LRRC7: variants seen among roughly 807,000 people sequenced by gnomAD.
LRRC7 encodes the protein leucine rich repeat containing 7.
A neutral mutation model predicts 175.7 loss-of-function variants in LRRC7; 23 were observed. The ratio of observed to expected loss-of-function variants is 0.13; its 90% CI spans 0.09 to 0.19. The LOEUF (loss-of-function observed/expected upper bound fraction) is 0.19, where lower values mean the gene tolerates loss of function less well. Ranked by LOEUF, LRRC7 falls within the 10% of genes least tolerant of loss-of-function variation. The pLI, the probability that LRRC7 is intolerant of heterozygous loss-of-function variation, is 1.00. For missense variants in LRRC7, 1,354 were observed against 1,904.7 expected (o/e 0.71, Z 5.38); for synonymous variants, 685 against 680.9 (o/e 1.01, Z -0.09).
intron 23 of LRRC7, among the ~76,000 whole-genome samples, chr1:70,073,339 A>G (rs1571242953): frequency 6.6e-6 from 1 of 152,216 alleles, no homozygotes; most frequent in Middle Eastern, 3.4e-3. Flanking sequence ...CAGAAGAAAA[A>G]ATATACCTGA....
At chr1:69,629,141 C>T (rs1173510649) in intron 1 of LRRC7, among the ~76,000 whole-genome samples, 1 of 152,078 alleles carries the variant, frequency 6.6e-6, no homozygotes, top group Non-Finnish European at 1.5e-5. Context: ...TTTGAAATTT[C>T]TGTTCTCTGA....
intron 5 of LRRC7, 63 bp downstream of exon 5, chr1:69,825,889 A>C: frequency 2.0e-6 from 2 of 987,752 alleles, no homozygotes; most frequent in East Asian, 2.8e-5. Flanking sequence ...ATGTACCTAA[A>C]TAGAGGAAAT....
chr1:69,834,499 G>A (rs756392642), intron 5 of LRRC7, among the ~76,000 whole-genome samples: 1 of 152,088 alleles, frequency 6.6e-6, no homozygotes, highest in Non-Finnish European at 1.5e-5. Context: ...CGTGCATAAG[G>A]TTAGGCCAGC....
At chr1:69,918,958 A>T (rs1345932753) in intron 7 of LRRC7, among the ~76,000 whole-genome samples, 1 of 152,178 alleles carries the variant, frequency 6.6e-6, no homozygotes, top group Non-Finnish European at 1.5e-5. Flanking sequence ...CTATATTATA[A>T]ATTTTAAAAT....
intron 7 of LRRC7, among the ~76,000 whole-genome samples, chr1:69,887,900 G>A (rs1314400344): frequency 1.4e-5 from 2 of 146,618 alleles, no homozygotes; most frequent in East Asian, 3.9e-4. Context: ...GTGTGCCCCT[G>A]CTGGGGGGTG....
At chr1:70,000,413 G>A (rs149115622) in intron 11 of LRRC7, among the ~76,000 whole-genome samples, 34 of 152,292 alleles carry the variant, frequency 2.2e-4, no homozygotes, top group Admixed American at 2.2e-3. Flanking sequence ...ACGTAGGTGT[G>A]TAATAGATTA....
chr1:70,011,979 A>G, intron 12 of LRRC7, 53 bp downstream of exon 12: 1 of 1,382,392 alleles, frequency 7.2e-7, no homozygotes, highest in Non-Finnish European at 1.0e-6. Flanking sequence ...TCTGTTTTGG[A>G]GTAAAATCTT....
intron 2 of LRRC7, among the ~76,000 whole-genome samples, chr1:69,755,601 A>G (rs954336274): frequency 6.6e-6 from 1 of 151,706 alleles, no homozygotes; most frequent in African/African-American, 2.4e-5. Flanking sequence ...GCACATTATT[A>G]GCAACATTAT....
intron 7 of LRRC7, among the ~76,000 whole-genome samples, chr1:69,922,804 A>T: frequency 6.6e-6 from 1 of 151,652 alleles, no homozygotes; most frequent in East Asian, 1.9e-4. Context: ...TAATTTTTTT[A>T]ATTTTTTTAT....
chr1:69,791,944 C>A (rs1675171459), intron 3 of LRRC7, 99 bp from the exon 4 acceptor site: 3 of 731,002 alleles, frequency 4.1e-6, no homozygotes, highest in Non-Finnish European at 7.0e-6. Context: ...GGCTCTTTTA[C>A]TACTACATAT....
chr1:69,609,740 CT>C (rs1479986391), intron 1 of LRRC7, among the ~76,000 whole-genome samples: 1 of 151,958 alleles, frequency 6.6e-6, no homozygotes, highest in Non-Finnish European at 1.5e-5. Flanking sequence ...TATATATCTA[CT>C]TTATCTGTAT....
rs1667201066 is a variant in LRRC7 at position 70,144,054 on chromosome 1, T to C, written c.*22167T>C. 6.6e-6 allele frequency: 1 copy of C among 152,202 alleles called. No homozygotes were observed. The highest frequency in any genetic ancestry group is 2.1e-4 in the South Asian group (1 of 4,838). 9.4% of individuals were successfully genotyped at this position (152,202 alleles called of 1,614,324 possible). On this transcript the variant is annotated 3_prime_UTR_variant, in exon 27 of 27. Transcript: ENST00000651989. ...TTTATGTGCAAAGAAGTCCTATGAA[T>C]CTATATTTTAAATTTACTGAACCAG...
chr1:69,664,433 C>G (rs779013995), intron 1 of LRRC7, among the ~76,000 whole-genome samples: 4 of 152,112 alleles, frequency 2.6e-5, no homozygotes, highest in Admixed American at 2.0e-4. Flanking sequence ...CAGCTGTGTA[C>G]GAGGACTCCC....
In LRRC7 at chr1:70,085,494, T is replaced by A. The variant is rs190081778; in HGVS notation, c.4453-4233T>A. 2.5e-4 allele frequency among the ~76,000 whole-genome samples: 38 copies of A among 152,292 alleles called. No homozygotes were observed. The East Asian group carries it at 3.9e-3, about 15-fold the overall frequency. ...TTCTATTAAACTGATCTATGTTGTT[T>A]CTTGACGTATGCCCTAAATCCATCT... On this transcript the variant is annotated intron_variant, in intron 24 of 26. Coordinates refer to ENST00000651989, the MANE Select transcript of LRRC7 (RefSeq NM_001370785.2).
At chr1:69,703,878 CTT>C (rs1198465257) in intron 2 of LRRC7, among the ~76,000 whole-genome samples, 1 of 151,892 alleles carries the variant, frequency 6.6e-6, no homozygotes. Context: ...TATCACTGTT[CTT>C]TATTTTATCT....
At chr1:70,057,329 A>C (rs1661231153) in intron 23 of LRRC7, among the ~76,000 whole-genome samples, 1 of 152,212 alleles carries the variant, frequency 6.6e-6, no homozygotes, top group South Asian at 2.1e-4. Flanking sequence ...TGGTCATGGG[A>C]GTATTAGCCT....
In LRRC7 at chr1:70,140,631, A is replaced by G. The variant is rs1013950517; in HGVS notation, c.*18744A>G. The G allele has an allele frequency of 2.0e-5, 3 of 152,150 alleles. No homozygotes were observed. The highest frequency in any genetic ancestry group is 7.2e-5 in the African/African-American group (3 of 41,438). The allele number at this position is 152,150 out of a possible 1,614,324, so 9.4% of individuals were successfully genotyped here. A position where few individuals can be genotyped will look rare whatever the true frequency, so the allele number is the denominator to read the frequency against. The stretch of plus-strand genomic sequence containing the variant: ...GATCCTCAGGCAAGTATAATATAAA[A>G]AGTCAGGAATTGACTACAGTTCCCT... On this transcript the variant is annotated 3_prime_UTR_variant, in exon 27 of 27. Coordinates refer to ENST00000651989, the MANE Select transcript of LRRC7 (RefSeq NM_001370785.2).
chr1:69,792,232 G>C, intron 4 of LRRC7, 72 bp downstream of exon 4: 1 of 833,558 alleles, frequency 1.2e-6, no homozygotes, highest in Non-Finnish European at 2.0e-6. Flanking sequence ...TCTTCTCTTA[G>C]CAAATAATCT....
chr1:69,851,286 A>G (rs1186909216), intron 7 of LRRC7, among the ~76,000 whole-genome samples: 1 of 152,184 alleles, frequency 6.6e-6, no homozygotes, highest in East Asian at 1.9e-4. Context: ...GACAACAAGC[A>G]CAATTTCTTC....
Sources: allele counts gnomAD v4.1 joint callset (sites outside exome capture counted in the v4.1 genomes callset), GRCh38; gene constraint gnomAD v4.1.1; transcripts MANE v1.5; gene names NCBI Gene and HGNC (gene_info 2026-07-23, HGNC 2026-07-21).